Variants in BRIP1 observed in about 807,000 individuals in gnomAD.
The protein encoded by BRIP1 is BRCA1 interacting DNA helicase 1.
In BRIP1, 88 loss-of-function variants were observed where a neutral mutation model predicts 119.7. The observed-to-expected ratio is 0.74, with a 90% CI of 0.62 to 0.88. The LOEUF (loss-of-function observed/expected upper bound fraction) is 0.88, where lower values mean the gene tolerates loss of function less well. Ranked by LOEUF, BRIP1 falls within the 40% of genes least tolerant of loss-of-function variation. BRIP1 has a pLI of 0.00. For missense variants in BRIP1, 1,259 were observed against 1,455.4 expected (o/e 0.87, Z 2.20); for synonymous variants, 443 against 496.5 (o/e 0.89, Z 1.43).
intron 10 of BRIP1, among the ~76,000 whole-genome samples, chr17:61,791,835 TCA>T (rs1296618177): frequency 3.9e-5 from 6 of 152,170 alleles, no homozygotes; most frequent in African/African-American, 1.4e-4. Flanking sequence ...AATGAAATAT[TCA>T]GTCTTAAAAA....
At chr17:61,821,309 T>C (rs1018879843) in intron 6 of BRIP1, among the ~76,000 whole-genome samples, 3 of 152,124 alleles carry the variant, frequency 2.0e-5, no homozygotes, top group Admixed American at 6.5e-5. Context: ...GGAGAGGTAC[T>C]TTCCATTCTT....
rs552121308 is a variant in BRIP1, at chr17:61,828,430, A to G, written c.627+18671T>C. 6.6e-6 allele frequency among the ~76,000 whole-genome samples: 1 copy of G among 152,148 alleles called. No individual in the cohort carries two copies. The highest frequency in any genetic ancestry group is 2.1e-4 in the South Asian group (1 of 4,824). Reference sequence around the variant, plus strand: ...TAGGGAAATACAGAGATATTGTTTCATGGGTATGGTGTTTCAGTTTGGAAA... The same window carrying G: ...TAGGGAAATACAGAGATATTGTTTCGTGGGTATGGTGTTTCAGTTTGGAAA... On this transcript the variant is annotated intron_variant, in intron 6 of 19. Coordinates refer to ENST00000259008, the MANE Select transcript of BRIP1 (RefSeq NM_032043.3). The surrounding 1 kb of genome is among the most constrained non-coding windows in gnomAD (Gnocchi z 4.1).
rs143994029 is a variant in BRIP1 at position 61,848,105 on chromosome 17, A to G, written c.508-885T>C. Among the ~76,000 whole-genome samples the G allele has an allele frequency of 2.8e-3, 425 of 152,362 alleles. 1 individual carries two copies. The highest frequency in any genetic ancestry group is 8.3e-3 in the African/African-American group (344 of 41,596). ...ACATAAGACTTCAAGAACCTTGAGT[A>G]TACTCAATTAAAAGTACCCAGTTAC... is the stretch of plus-strand genomic sequence containing the variant. On this transcript the variant is annotated intron_variant, in intron 5 of 19. Transcript: ENST00000259008. The surrounding 1 kb of genome is among the most constrained non-coding windows in gnomAD (Gnocchi z 4.3).
rs946639347 is a variant in BRIP1 at position 61,757,819 on chromosome 17, G to C, written c.2098-13228C>G. Among the ~76,000 whole-genome samples, 65 of 151,832 alleles carry C rather than the reference G, an allele frequency of 4.3e-4. No individual in the cohort carries two copies. Among genetic ancestry groups the C allele is most frequent in the African/African-American group, 1.6e-3 (65 of 41,404 alleles). On this transcript the variant is annotated intron_variant, in intron 14 of 19. Coordinates refer to ENST00000259008, the MANE Select transcript of BRIP1 (RefSeq NM_032043.3). The surrounding 1 kb of genome is among the most constrained non-coding windows in gnomAD (Gnocchi z 4.3). The stretch of plus-strand genomic sequence containing the variant: ...TTTCAAGACCAGCCTGGGCAACATG[G>C]CTAAACCCCATCTCTACAAAAAAAA...
At chr17:61,811,803 T>C (rs528866971) in intron 6 of BRIP1, among the ~76,000 whole-genome samples, 3 of 151,340 alleles carry the variant, frequency 2.0e-5, no homozygotes, top group South Asian at 4.2e-4. Context: ...AAAACAAAAA[T>C]TAGCCAGGCA....
Position 61,693,572 on chromosome 17 carries a change from A to T in BRIP1, c.2493-60T>A. 7.2e-7 allele frequency: 1 copy of T among 1,397,090 alleles called. No individual in the cohort carries two copies. The highest frequency in any genetic ancestry group is 1.0e-6 in the Non-Finnish European group (1 of 985,268). 86.5% of individuals were successfully genotyped at this position (1,397,090 alleles called of 1,614,324 possible). Reference sequence around the variant, plus strand: ...ACATCGGAAATAAATCCAGTTTTCCAGTGGGACAGACAGAAAATTGGAAAA... The same window carrying T: ...ACATCGGAAATAAATCCAGTTTTCCTGTGGGACAGACAGAAAATTGGAAAA... On this transcript the variant is annotated intron_variant, in intron 17 of 19. Coordinates refer to ENST00000259008, the MANE Select transcript of BRIP1 (RefSeq NM_032043.3). This position sits in a 1 kb window ranked among gnomAD's most constrained non-coding sequence, Gnocchi z 4.2.
At chr17:61,788,704 C>T (rs976519468) in intron 10 of BRIP1, among the ~76,000 whole-genome samples, 1 of 152,044 alleles carries the variant, frequency 6.6e-6, no homozygotes, top group African/African-American at 2.4e-5. Context: ...TCTTGTAATC[C>T]CAGTGCTTCA....
intron 6 of BRIP1, among the ~76,000 whole-genome samples, chr17:61,821,758 G>A (rs558905168): frequency 2.0e-5 from 3 of 151,296 alleles, no homozygotes; most frequent in Admixed American, 6.6e-5. Flanking sequence ...TCTCTCTCTC[G>A]CCCATGCTGG....
chr17:61,857,501 A>G lies in BRIP1; in HGVS notation c.206-270T>C, dbSNP rs72843735. Among the ~76,000 whole-genome samples the G allele has an allele frequency of 0.17, 25,822 of 152,222 alleles. 2,839 individuals are homozygous for G. Among genetic ancestry groups the G allele is most frequent in the Admixed American group, 0.29 (4,485 of 15,284 alleles). On this transcript the variant is annotated intron_variant, in intron 3 of 19. Transcript: ENST00000259008. This position sits in a 1 kb window ranked among gnomAD's most constrained non-coding sequence, Gnocchi z 5.1. The stretch of plus-strand genomic sequence containing the variant: ...CACTTTGGGAGGCCGAGGCAGGCAC[A>G]TCAATTGAAGTCAGGAGTTTGAGAC...
intron 16 of BRIP1, among the ~76,000 whole-genome samples, chr17:61,731,905 C>T (rs1391168163): frequency 8.9e-6 from 1 of 112,842 alleles, no homozygotes; most frequent in Non-Finnish European, 2.1e-5. Flanking sequence ...GGTGCTCTAG[C>T]CAGATATTAA....
chr17:61,701,273 G>A lies in BRIP1; in HGVS notation c.2493-7761C>T, dbSNP rs935682824. Among the ~76,000 whole-genome samples the A allele has an allele frequency of 6.6e-5, 10 of 152,178 alleles. No individual in the cohort carries two copies. Among genetic ancestry groups the A allele is most frequent in the Middle Eastern group, 3.4e-3 (1 of 294 alleles). On this transcript the variant is annotated intron_variant, in intron 17 of 19. Transcript: ENST00000259008. The surrounding 1 kb of genome is among the most constrained non-coding windows in gnomAD (Gnocchi z 5.1). ...ATATAATGTGGCAAATATAGAAATC[G>A]GATTATTCTCCCTCTTCAAGGTTTT...
Position 61,755,621 on chromosome 17 carries a change from A to G in BRIP1, c.2098-11030T>C, listed in dbSNP as rs535725457. Among the ~76,000 whole-genome samples, 126 of 152,294 alleles carry G rather than the reference A, an allele frequency of 8.3e-4. 1 individual carries two copies. Among genetic ancestry groups the G allele is most frequent in the African/African-American group, 2.9e-3 (119 of 41,574 alleles). Reference sequence around the variant, plus strand: ...ATCCAGATGCTTTGTAAGATGACAAAGATGAGGGGGAAAGAAGGGTATGAC... The same window carrying G: ...ATCCAGATGCTTTGTAAGATGACAAGGATGAGGGGGAAAGAAGGGTATGAC... On this transcript the variant is annotated intron_variant, in intron 14 of 19. Coordinates refer to ENST00000259008, the MANE Select transcript of BRIP1 (RefSeq NM_032043.3). The surrounding 1 kb of genome is among the most constrained non-coding windows in gnomAD (Gnocchi z 4.5).
rs1018272689 is a variant in BRIP1 at position 61,710,867 on chromosome 17, C to T, written c.2492+5084G>A. Among the ~76,000 whole-genome samples, 8 of 151,768 alleles carry T rather than the reference C, an allele frequency of 5.3e-5. No individual in the cohort carries two copies. In the East Asian group the frequency reaches 7.7e-4, roughly 15 times the overall value. On this transcript the variant is annotated intron_variant, in intron 17 of 19. Transcript: ENST00000259008. The surrounding 1 kb of genome is among the most constrained non-coding windows in gnomAD (Gnocchi z 5.4). ...ACCAGCCTGTCCATCATGGTGAAAC[C>T]CCGTCTCTACTAAAAATATAAAAAT...
chr17:61,755,125 A>G lies in BRIP1; in HGVS notation c.2098-10534T>C, dbSNP rs77024185. On this transcript the variant is annotated intron_variant, in intron 14 of 19. Coordinates refer to ENST00000259008, the MANE Select transcript of BRIP1 (RefSeq NM_032043.3). The surrounding 1 kb of genome is among the most constrained non-coding windows in gnomAD (Gnocchi z 4.5). ...CCCAGTGCATAGAACAGTACCTTACATATAGAAAGTGGTCAGTAAATACTT... is the reference window on the plus strand; with the variant it reads ...CCCAGTGCATAGAACAGTACCTTACGTATAGAAAGTGGTCAGTAAATACTT... Among the ~76,000 whole-genome samples, 434 of 152,310 alleles carry G rather than the reference A, an allele frequency of 2.8e-3. 2 individuals are homozygous for G. Among genetic ancestry groups the G allele is most frequent in the African/African-American group, 0.01 (417 of 41,578 alleles).
rs2077414747 is a variant in BRIP1, at chr17:61,769,312, C to A, written c.2097+7089G>T. Among the ~76,000 whole-genome samples, 1 of 152,144 alleles carries A rather than the reference C, an allele frequency of 6.6e-6. No homozygotes were observed. The highest frequency in any genetic ancestry group is 1.9e-4 in the East Asian group (1 of 5,200). On this transcript the variant is annotated intron_variant, in intron 14 of 19. Transcript: ENST00000259008. This position sits in a 1 kb window ranked among gnomAD's most constrained non-coding sequence, Gnocchi z 4.9. Reference sequence around the variant, plus strand: ...GCTAATTTTGTGGTAATTTGTTATGCAGCAACATAGAACTAATACAACCCA... The same window carrying A: ...GCTAATTTTGTGGTAATTTGTTATGAAGCAACATAGAACTAATACAACCCA...
intron 14 of BRIP1, among the ~76,000 whole-genome samples, chr17:61,773,020 A>G (rs747720077): frequency 9.2e-5 from 14 of 151,952 alleles, no homozygotes; most frequent in South Asian, 2.1e-4. Flanking sequence ...TTAATTATGT[A>G]TAAGAATTAT....
chr17:61,722,036 C>CTTTT lies in BRIP1; in HGVS notation c.2380-5977_2380-5974dup, dbSNP rs67186945. 7.1e-6 allele frequency among the ~76,000 whole-genome samples: 1 copy of CTTTT among 141,836 alleles called. No individual in the cohort carries two copies. The allele number at this position is 141,836 out of a possible 152,430, so 93.0% of individuals were successfully genotyped here. On this transcript the variant is annotated intron_variant, in intron 16 of 19. Coordinates refer to ENST00000259008, the MANE Select transcript of BRIP1 (RefSeq NM_032043.3). The surrounding 1 kb of genome is among the most constrained non-coding windows in gnomAD (Gnocchi z 4.6). ...GAGCCACCACGCCTAGCCAACTTTG[C>CTTTT]TTTTTTTTTTTTTCTTTTTTTTTGA...
rs1343369635 is a variant in BRIP1 at position 61,846,815 on chromosome 17, T to C, written c.627+286A>G. Among the ~76,000 whole-genome samples the C allele has an allele frequency of 1.3e-5, 2 of 152,222 alleles. No individual in the cohort carries two copies. Among genetic ancestry groups the C allele is most frequent in the African/African-American group, 4.8e-5 (2 of 41,456 alleles). ...TGCCCTAAGAATCCTGAAAGAACTG[T>C]AAGGAGTTGGAGAATTTACAAACAT... On this transcript the variant is annotated intron_variant, in intron 6 of 19. Coordinates refer to ENST00000259008, the MANE Select transcript of BRIP1 (RefSeq NM_032043.3). The surrounding 1 kb of genome is among the most constrained non-coding windows in gnomAD (Gnocchi z 4.3).
rs786203418 is a variant in BRIP1, at chr17:61,861,511, A to G, written c.29T>C (p.Ile10Thr). The change falls in exon 2 of 20, where the codon ATT becomes ACT. Residue 10 changes from isoleucine (I) to threonine (T), a missense_variant. Ile to Thr is a moderately conservative substitution (Grantham distance 89, BLOSUM62 -1). Around this residue, in one of 3 missense-constraint regions of BRIP1, gnomAD observed 501 missense variants for 544.0 expected, o/e 0.92. Transcript: ENST00000259008. This position sits in a 1 kb window ranked among gnomAD's most constrained non-coding sequence, Gnocchi z 4.5. MSSMWSEYTIGGVKIYFPYK... is the reference protein window; with the variant it reads MSSMWSEYTTGGVKIYFPYK... ...AGGAAAGTAAATCTTCACCCCACCA[A>G]TTGTATATTCAGACCACATTGAAGA... 8.1e-6 allele frequency: 13 copies of G among 1,612,904 alleles called. No homozygotes were observed. The highest frequency in any genetic ancestry group is 1.1e-5 in the Non-Finnish European group (13 of 1,179,170).
Sources: gnomAD v4.1 joint callset for allele counts (sites outside exome capture counted in the v4.1 genomes callset) on GRCh38, gnomAD v4.1.1 for gene constraint, gnomAD v4.1.1 regional missense constraint, Gnocchi (gnomAD v3.1) non-coding constraint, MANE v1.5 for transcripts, NCBI Gene and HGNC (gene_info 2026-07-23, HGNC 2026-07-21) for gene names.